SRGAP2: variants seen among roughly 807,000 people sequenced by gnomAD.
SRGAP2 encodes the protein SLIT-ROBO Rho GTPase activating protein 2, also known as SLIT-ROBO Rho GTPase-activating protein 2.
A neutral mutation model predicts 57.2 loss-of-function variants in SRGAP2; 15 were observed. The ratio of observed to expected loss-of-function variants is 0.26; its 90% confidence interval spans 0.18 to 0.40. The LOEUF is 0.40. SRGAP2 is among the 10% of genes least tolerant of loss of function. The pLI, the probability that SRGAP2 is intolerant of heterozygous loss-of-function variation, is 1.00. For missense variants in SRGAP2, 520 were observed against 669.6 expected, an observed-to-expected ratio of 0.78 and a Z score of 2.47; for synonymous variants, 249 against 248.0, an observed-to-expected ratio of 1.00 and a Z score of -0.04.
In SRGAP2 at chr1:206,461,478, A is replaced by C. The variant is rs1664262933; in HGVS notation, c.*58A>C. The C allele has an allele frequency of 1.5e-6, 1 of 667,746 alleles. No homozygotes were observed. Among genetic ancestry groups the C allele is most frequent in the African/African-American group, 1.8e-5 (1 of 55,594 alleles). 41.4% of individuals were successfully genotyped at this position (667,746 alleles called of 1,614,324 possible). ...ACTATAGGGACTGACTGTTATTAAA[A>C]TCTTCCTATTTAACTAGCTTGGGGA... On this transcript the variant is annotated 3_prime_UTR_variant, in exon 23 of 23. Coordinates refer to ENST00000573034, the MANE Select transcript of SRGAP2 (RefSeq NM_015326.5).
At chr1:206,274,821 C>T (rs1390853708) in intron 2 of SRGAP2, among the ~76,000 whole-genome samples, 21 of 152,092 alleles carry the variant, frequency 1.4e-4, no homozygotes, top group Non-Finnish European at 2.2e-4. Flanking sequence ...TTTCTCTCCA[C>T]CTCAGTCCCT....
At chr1:206,339,618 G>A (rs375766053) in intron 3 of SRGAP2, among the ~76,000 whole-genome samples, 2,362 of 151,238 alleles carry the variant, frequency 0.016, 60 homozygotes, top group African/African-American at 0.053. Flanking sequence ...ATGTGTCACC[G>A]TTTTTTAAAT....
intron 7 of SRGAP2, among the ~76,000 whole-genome samples, chr1:206,398,818 G>C (rs373989598): frequency 0.017 from 2,654 of 152,294 alleles, 36 homozygotes; most frequent in Non-Finnish European, 0.027. Flanking sequence ...CTGGAGTCTA[G>C]GATTGCAGGG....
intron 21 of SRGAP2, chr1:206,458,397 C>T: frequency 5.7e-6 from 4 of 699,108 alleles, no homozygotes; most frequent in Non-Finnish European, 8.0e-6. Context: ...AACACAAAGC[C>T]CGTGACCACC....
At chr1:206,354,111 A>G (rs1446374800) in intron 4 of SRGAP2, among the ~76,000 whole-genome samples, 1 of 152,134 alleles carries the variant, frequency 6.6e-6, no homozygotes, top group Non-Finnish European at 1.5e-5. Context: ...CTTGTTTGCT[A>G]TTTTTAACAT....
intron 10 of SRGAP2, among the ~76,000 whole-genome samples, chr1:206,409,701 G>A (rs1659018173): frequency 6.6e-6 from 1 of 151,574 alleles, no homozygotes; most frequent in Non-Finnish European, 1.5e-5. Flanking sequence ...AGGATTACTT[G>A]AACCGGGGAG....
At chr1:206,422,421 T>C (rs1271472588) in intron 13 of SRGAP2, among the ~76,000 whole-genome samples, 1 of 152,250 alleles carries the variant, frequency 6.6e-6, no homozygotes, top group Non-Finnish European at 1.5e-5. Context: ...CTCCCTCTTT[T>C]TCCTCTATTT....
At chr1:206,371,496 C>T (rs1196577864) in intron 4 of SRGAP2, among the ~76,000 whole-genome samples, 24 of 149,630 alleles carry the variant, frequency 1.6e-4, no homozygotes, top group Admixed American at 6.6e-4. Context: ...TTTGGGAGGC[C>T]GAGACGGGCA....
chr1:206,277,932 TCATGC>T (rs1670512205), intron 2 of SRGAP2, among the ~76,000 whole-genome samples: 1 of 151,200 alleles, frequency 6.6e-6, no homozygotes. Context: ...TGAGCCAAGA[TCATGC>T]CACTGCACTC....
At chr1:206,253,539 A>ACTCT (rs1171206107) in intron 2 of SRGAP2, among the ~76,000 whole-genome samples, 6 of 111,718 alleles carry the variant, frequency 5.4e-5, no homozygotes, top group Non-Finnish European at 1.1e-4. Context: ...CACTTCCTTC[A>ACTCT]CTCTCTCTCT....
At chr1:206,442,427 G>A (rs1271781638) in intron 17 of SRGAP2, among the ~76,000 whole-genome samples, 1 of 152,192 alleles carries the variant, frequency 6.6e-6, no homozygotes, top group African/African-American at 2.4e-5. Context: ...CTCAACATGA[G>A]CCTCGTCTGT....
chr1:206,372,981 CTTTCTTTCTTTCTTT>C (rs1654791138), intron 4 of SRGAP2, among the ~76,000 whole-genome samples: 4 of 61,480 alleles, frequency 6.5e-5, no homozygotes, highest in African/African-American at 2.3e-4. Flanking sequence ...TTCTTTCTTT[CTTTCTTTCTTTCTTT>C]CTTTCTTTCT....
At chr1:206,378,081 A>C (rs1245867613) in intron 4 of SRGAP2, among the ~76,000 whole-genome samples, 1 of 123,352 alleles carries the variant, frequency 8.1e-6, no homozygotes, top group African/African-American at 3.2e-5. Context: ...GGCCAGGCAC[A>C]GTCGCTCGAG....
chr1:206,296,762 A>C, intron 2 of SRGAP2: 1 of 151,728 alleles, frequency 6.6e-6, no homozygotes, highest in Non-Finnish European at 1.5e-5. Flanking sequence ...AGAGTAAAGT[A>C]ATGCAGAAAA....
At chr1:206,401,917 T>G (rs1201448173) in intron 8 of SRGAP2, among the ~76,000 whole-genome samples, 2 of 151,902 alleles carry the variant, frequency 1.3e-5, no homozygotes, top group Admixed American at 1.3e-4. Context: ...GTTCAAACTA[T>G]GCATAGAGAG....
Position 206,458,809 on chromosome 1 carries a change from C to G in SRGAP2, c.2694C>G (p.His898Gln). The part of the protein sequence containing the change: ...EGPDKCSISG[H>Q]GSLNSISRHS... ...CAGATAAGTGTTCCATCAGTGGGCA[C>G]GGGAGCCTCAACTCCATCAGCCGCC... The change falls in exon 22 of 23, where the codon CAC becomes CAG. Residue 898 changes from histidine (H) to glutamine (Q), a missense_variant. His to Gln is a conservative substitution (Grantham distance 24). Coordinates refer to ENST00000573034, the MANE Select transcript of SRGAP2 (RefSeq NM_015326.5). The G allele has an allele frequency of 1.3e-6, 1 of 780,694 alleles. No individual in the cohort carries two copies. Among genetic ancestry groups the G allele is most frequent in the Non-Finnish European group, 2.4e-6 (1 of 417,928 alleles). The allele number at this position is 780,694 out of a possible 1,614,324, so 48.4% of individuals were successfully genotyped here.
chr1:206,371,747 A>G (rs1571982711), intron 4 of SRGAP2, among the ~76,000 whole-genome samples: 53 of 80,284 alleles, frequency 6.6e-4, no homozygotes, highest in Admixed American at 1.5e-3. Context: ...AAAAAAGAAA[A>G]AAAATATAGA....
At chr1:206,272,875 C>T (rs1416358030) in intron 2 of SRGAP2, among the ~76,000 whole-genome samples, 2 of 152,182 alleles carry the variant, frequency 1.3e-5, no homozygotes, top group Non-Finnish European at 2.9e-5. Flanking sequence ...TGTAGGTACC[C>T]CCAGACCATT....
chr1:206,276,842 G>A (rs1178569080), intron 2 of SRGAP2, among the ~76,000 whole-genome samples: 14 of 152,168 alleles, frequency 9.2e-5, no homozygotes, highest in African/African-American at 2.6e-4. Context: ...AGCAAGCTGC[G>A]GATTCTGAAT....
Sources: allele counts gnomAD v4.1 joint callset (sites outside exome capture counted in the v4.1 genomes callset), GRCh38; gene constraint gnomAD v4.1.1; transcripts MANE v1.5; gene names NCBI Gene and HGNC (gene_info 2026-07-23, HGNC 2026-07-21).